The following TNFSF12 variants were observed in gnomAD, a reference collection of about 807,000 sequenced individuals.
TNFSF12 encodes tumor necrosis factor ligand superfamily member 12.
TNFSF12 carries 16 observed loss-of-function variants against 31.2 expected under a neutral mutation model. The ratio of observed to expected loss-of-function variants is 0.51; its 90% CI spans 0.35 to 0.78. The LOEUF is 0.78. TNFSF12 is among the 30% of genes least tolerant of loss of function. The pLI is 0.01. For synonymous variants in TNFSF12, 150 were observed against 151.4 expected (o/e 0.99, Z 0.07); for missense variants, 324 against 338.8 (o/e 0.96, Z 0.34).
At chr17:7,552,502 A>G (rs1941919373) in intron 5 of TNFSF12, among the ~76,000 whole-genome samples, 2 of 151,448 alleles carry the variant, frequency 1.3e-5, no homozygotes, top group South Asian at 4.2e-4. Flanking sequence ...TCATTTTTGT[A>G]TTTTTTAGTA....
rs1274329256 is a variant in TNFSF12 at position 7,549,446 on chromosome 17, C to T, written c.160-28C>T. On this transcript the variant is annotated intron_variant, in intron 1 of 6. Coordinates refer to ENST00000293825, the MANE Select transcript of TNFSF12 (RefSeq NM_003809.3). This position sits in a 1 kb window ranked among gnomAD's most constrained non-coding sequence, Gnocchi z 4.1. The stretch of plus-strand genomic sequence containing the variant: ...GGGTGAGATGTCAGGTGGAGCGGCA[C>T]AGGGTGACGCTCCCTCCTTCCCAGC... The T allele has an allele frequency of 4.7e-6, 7 of 1,488,164 alleles. No homozygotes were observed. The highest frequency in any genetic ancestry group is 6.3e-6 in the Non-Finnish European group (7 of 1,107,256). 92.2% of individuals were successfully genotyped at this position (1,488,164 alleles called of 1,614,324 possible).
chr17:7,552,528 C>T (rs1236840714), intron 5 of TNFSF12, among the ~76,000 whole-genome samples: 5 of 152,002 alleles, frequency 3.3e-5, no homozygotes, highest in African/African-American at 7.2e-5. Flanking sequence ...AGGGTTTCAC[C>T]GTGTTGGCCA....
In TNFSF12 at chr17:7,557,530, C is replaced by T; in HGVS notation, c.*180C>T. ...CCCACATAAATACAGTATTCCCACT[C>T]TTATCTTACAACTCCCCCACCGCCC... On this transcript the variant is annotated 3_prime_UTR_variant, in exon 7 of 7. Transcript: ENST00000293825. The surrounding 1 kb of genome is among the most constrained non-coding windows in gnomAD (Gnocchi z 5.2). 1 of 861,360 alleles carries T rather than the reference C, an allele frequency of 1.2e-6. No homozygotes were observed. Among genetic ancestry groups the T allele is most frequent in the South Asian group, 2.0e-5 (1 of 50,318 alleles). 53.4% of individuals were successfully genotyped at this position (861,360 alleles called of 1,614,324 possible). A position where few individuals can be genotyped will look rare whatever the true frequency, so the allele number is the denominator to read the frequency against.
At position 7,555,978 on chromosome 17, in the gene TNFSF12, T is replaced by TTG. The variant is rs1346336348; in HGVS notation, c.374-799_374-798insGT. Among the ~76,000 whole-genome samples the TTG allele has an allele frequency of 8.8e-4, 87 of 98,314 alleles. 8 individuals are homozygous for TTG. The highest frequency in any genetic ancestry group is 2.9e-3 in the African/African-American group (72 of 25,036). 64.5% of individuals were successfully genotyped at this position (98,314 alleles called of 152,430 possible). A position where few individuals can be genotyped will look rare whatever the true frequency, so the allele number is the denominator to read the frequency against. On this transcript the variant is annotated intron_variant, in intron 5 of 6. Coordinates refer to ENST00000293825, the MANE Select transcript of TNFSF12 (RefSeq NM_003809.3). ...AATAAAAATGCCCAGTGAGCGTTTT[T>TTG]TTTGTTTTTTTTTTTTTTTGGAGAC...
chr17:7,556,828 A>G lies in TNFSF12; in HGVS notation c.424A>G (p.Ser142Gly). Residue 142 changes from serine (S) to glycine (G), a missense_variant, in exon 6 of 7, where the codon AGC (serine) becomes GGC (glycine). Transcript: ENST00000293825. Reference protein sequence around the residue: ...GWEEARINSSSPLRYNRQIGE... With the variant: ...GWEEARINSSGPLRYNRQIGE... The stretch of plus-strand genomic sequence containing the variant: ...GGAGGAAGCCAGAATCAACAGCTCC[A>G]GCCCTCTGCGCTACAACCGCCAGAT... 4 of 1,561,422 alleles carry G rather than the reference A, an allele frequency of 2.6e-6. No homozygotes were observed. Among genetic ancestry groups the G allele is most frequent in the South Asian group, 1.2e-5 (1 of 84,376 alleles).
In TNFSF12 at chr17:7,557,620, C is replaced by A. The variant is rs769475388; in HGVS notation, c.*270C>A. ...AGGCCCCCAGTGATCTCGACTCCCCCCTGGCCACAGACCCCCAGGGCATTG... is the reference window on the plus strand; with the variant it reads ...AGGCCCCCAGTGATCTCGACTCCCCACTGGCCACAGACCCCCAGGGCATTG... On this transcript the variant is annotated 3_prime_UTR_variant, in exon 7 of 7. Transcript: ENST00000293825. The surrounding 1 kb of genome is among the most constrained non-coding windows in gnomAD (Gnocchi z 5.2). 2.6e-5 allele frequency: 12 copies of A among 467,942 alleles called. No individual in the cohort carries two copies. The highest frequency in any genetic ancestry group is 3.8e-5 in the Non-Finnish European group (10 of 263,888). 29.0% of individuals were successfully genotyped at this position (467,942 alleles called of 1,614,324 possible).
rs2150903924 is a variant in TNFSF12 at position 7,549,079 on chromosome 17, C to T, written c.-75C>T. 1 of 1,212,188 alleles carries T rather than the reference C, an allele frequency of 8.2e-7. No homozygotes were observed. The highest frequency in any genetic ancestry group is 1.0e-6 in the Non-Finnish European group (1 of 971,196). 75.1% of individuals were successfully genotyped at this position (1,212,188 alleles called of 1,614,324 possible). A position where few individuals can be genotyped will look rare whatever the true frequency, so the allele number is the denominator to read the frequency against. ...CTCCCTCTCCCCGGCCCGATCCGCC[C>T]GCCGGCTCCCCCTCCCCCGATCCCT... is the stretch of plus-strand genomic sequence containing the variant. On this transcript the variant is annotated 5_prime_UTR_variant, in exon 1 of 7. Coordinates refer to ENST00000293825, the MANE Select transcript of TNFSF12 (RefSeq NM_003809.3). This position sits in a 1 kb window ranked among gnomAD's most constrained non-coding sequence, Gnocchi z 4.1.
chr17:7,550,571 G>A lies in TNFSF12; in HGVS notation c.284-228G>A, dbSNP rs558665877. Among the ~76,000 whole-genome samples the A allele has an allele frequency of 6.6e-6, 1 of 152,302 alleles. No individual in the cohort carries two copies. The highest frequency in any genetic ancestry group is 1.9e-4 in the East Asian group (1 of 5,178). ...TGTCCTGGCCCCCACCTGTTATCTC[G>A]GTGTGATTAATAGCAGCTTCCCGTT... On this transcript the variant is annotated intron_variant, in intron 3 of 6. Coordinates refer to ENST00000293825, the MANE Select transcript of TNFSF12 (RefSeq NM_003809.3). The surrounding 1 kb of genome is among the most constrained non-coding windows in gnomAD (Gnocchi z 4.4).
intron 5 of TNFSF12, chr17:7,553,850 G>T: frequency 9.0e-7 from 1 of 1,107,644 alleles, no homozygotes; most frequent in Non-Finnish European, 1.1e-6. Flanking sequence ...TTGCTGGGGG[G>T]AGATGAGGGA....
intron 5 of TNFSF12, among the ~76,000 whole-genome samples, chr17:7,555,020 G>A (rs1254374669): frequency 1.3e-5 from 2 of 151,902 alleles, no homozygotes; most frequent in Non-Finnish European, 2.9e-5. Context: ...GGTGGCACAT[G>A]CCTGTAATCC....
Position 7,549,534 on chromosome 17 carries a change from G to T in TNFSF12, c.207+13G>T. 6.5e-7 allele frequency: 1 copy of T among 1,546,056 alleles called. No individual in the cohort carries two copies. The highest frequency in any genetic ancestry group is 2.4e-5 in the East Asian group (1 of 41,958). The stretch of plus-strand genomic sequence containing the variant: ...CCAGGACCCGTCGGTGAGTGGGCGT[G>T]GGCGCGGTCTGCAGGCTGCTGGGGC... On this transcript the variant is annotated intron_variant, in intron 2 of 6. Transcript: ENST00000293825. The surrounding 1 kb of genome is among the most constrained non-coding windows in gnomAD (Gnocchi z 4.1).
At position 7,550,539 on chromosome 17, in the gene TNFSF12, A is replaced by G. The variant is rs148610574; in HGVS notation, c.284-260A>G. ...CGGATGACCACGTGTCCAAGTCGGC[A>G]TGCAGTTGTCCTGGCCCCCACCTGT... On this transcript the variant is annotated intron_variant, in intron 3 of 6. Transcript: ENST00000293825. The surrounding 1 kb of genome is among the most constrained non-coding windows in gnomAD (Gnocchi z 4.4). Among the ~76,000 whole-genome samples, 37 of 151,732 alleles carry G rather than the reference A, an allele frequency of 2.4e-4. No homozygotes were observed. In the East Asian group the frequency reaches 7.0e-3, roughly 29 times the overall value.
rs139642600 is a variant in TNFSF12, at chr17:7,550,836, C to A, written c.321C>A (p.Ile107=). The A allele has an allele frequency of 6.2e-7, 1 of 1,612,592 alleles. No individual in the cohort carries two copies. Among genetic ancestry groups the A allele is most frequent in the Admixed American group, 1.7e-5 (1 of 59,960 alleles). Reference sequence around the variant, plus strand: ...GGAAAACACGGGCTCGAAGAGCGATCGCAGCCCATTATGAAGGTGGGTGAT... The same window carrying A: ...GGAAAACACGGGCTCGAAGAGCGATAGCAGCCCATTATGAAGGTGGGTGAT... ...KGRKTRARRA[I]AAHYEVHPRP... The change falls in exon 4 of 7, where the codon ATC becomes ATA. Residue 107 remains isoleucine (I), a synonymous_variant. Coordinates refer to ENST00000293825, the MANE Select transcript of TNFSF12 (RefSeq NM_003809.3). This position sits in a 1 kb window ranked among gnomAD's most constrained non-coding sequence, Gnocchi z 4.4.
At position 7,557,562 on chromosome 17, in the gene TNFSF12, C is replaced by T. The variant is rs2071089940; in HGVS notation, c.*212C>T. On this transcript the variant is annotated 3_prime_UTR_variant, in exon 7 of 7. Transcript: ENST00000293825. The surrounding 1 kb of genome is among the most constrained non-coding windows in gnomAD (Gnocchi z 5.2). ...TACAACTCCCCCACCGCCCACTCTC[C>T]ACCTCACTAGCTCCCCAATCCCTGA... The T allele has an allele frequency of 1.2e-5, 8 of 676,944 alleles. No homozygotes were observed. The South Asian group carries it at 1.5e-4, about 13-fold the overall frequency. 41.9% of individuals were successfully genotyped at this position (676,944 alleles called of 1,614,324 possible).
rs2070978635 is a variant in TNFSF12 at position 7,549,754 on chromosome 17, G to C, written c.207+233G>C. 2.9e-6 allele frequency: 2 copies of C among 682,614 alleles called. No homozygotes were observed. Among genetic ancestry groups the C allele is most frequent in the African/African-American group, 3.6e-5 (2 of 55,590 alleles). 42.3% of individuals were successfully genotyped at this position (682,614 alleles called of 1,614,324 possible). Reference sequence around the variant, plus strand: ...TGAGTCTGAGGTGTTTATTGGCTGGGGGTGACGTGGTTGTATAAGATATGT... The same window carrying C: ...TGAGTCTGAGGTGTTTATTGGCTGGCGGTGACGTGGTTGTATAAGATATGT... On this transcript the variant is annotated intron_variant, in intron 2 of 6. Coordinates refer to ENST00000293825, the MANE Select transcript of TNFSF12 (RefSeq NM_003809.3). This position sits in a 1 kb window ranked among gnomAD's most constrained non-coding sequence, Gnocchi z 4.1.
chr17:7,552,883 G>T (rs2071015962), intron 5 of TNFSF12, among the ~76,000 whole-genome samples: 1 of 152,144 alleles, frequency 6.6e-6, no homozygotes, highest in South Asian at 2.1e-4. Context: ...TGAGAACAGA[G>T]AAATGATGGC....
At chr17:7,552,712 G>C (rs1011348825) in intron 5 of TNFSF12, among the ~76,000 whole-genome samples, 1 of 152,164 alleles carries the variant, frequency 6.6e-6, no homozygotes, top group African/African-American at 2.4e-5. Context: ...AGACTCTTGG[G>C]CATCTTGAAG....
chr17:7,553,665 T>C (rs1430201196), intron 5 of TNFSF12: 2 of 1,304,100 alleles, frequency 1.5e-6, no homozygotes, highest in Admixed American at 2.3e-5. Flanking sequence ...AGAATGTGCC[T>C]GTGTACTGGA....
rs1165728322 is a variant in TNFSF12 at position 7,549,629 on chromosome 17, GGTGT to G, written c.207+114_207+117del. 6 of 1,421,610 alleles carry G rather than the reference GGTGT, an allele frequency of 4.2e-6. No homozygotes were observed. The highest frequency in any genetic ancestry group is 3.7e-6 in the Non-Finnish European group (4 of 1,078,454). 88.1% of individuals were successfully genotyped at this position (1,421,610 alleles called of 1,614,324 possible). On this transcript the variant is annotated intron_variant, in intron 2 of 6. Transcript: ENST00000293825. The surrounding 1 kb of genome is among the most constrained non-coding windows in gnomAD (Gnocchi z 4.1). ...CCAGCCGTACTCGAGGTGTGTGCAG[GGTGT>G]GTGTGAACACAGTGCGTGCATGGGT...
Sources: gnomAD v4.1 joint callset for allele counts (sites outside exome capture counted in the v4.1 genomes callset) on GRCh38, gnomAD v4.1.1 for gene constraint, Gnocchi (gnomAD v3.1) non-coding constraint, MANE v1.5 for transcripts, NCBI Gene and HGNC (gene_info 2026-07-23, HGNC 2026-07-21) for gene names.